STAU2: variants seen among roughly 807,000 people sequenced by gnomAD.
The protein encoded by STAU2 is double-stranded RNA-binding protein Staufen homolog 2.
STAU2 carries 20 observed loss-of-function variants against 65.9 expected under a neutral mutation model. The observed-to-expected ratio is 0.30, with a 90% CI of 0.21 to 0.44. The LOEUF (loss-of-function observed/expected upper bound fraction) is 0.44. Ranked by LOEUF, STAU2 falls within the 20% of genes least tolerant of loss-of-function variation. STAU2 has a pLI of 1.00. For synonymous variants in STAU2, 232 were observed against 233.9 expected (o/e 0.99, Z 0.07); for missense variants, 558 against 683.9 (o/e 0.82, Z 2.05).
chr8:73,653,576 G>A (rs1252853354), intron 6 of STAU2: 1 of 159,986 alleles, frequency 6.3e-6, no homozygotes, highest in South Asian at 1.8e-4. Context: ...AGGGTAATGT[G>A]TTTTGGGTTG....
At chr8:73,605,031 T>A (rs574486718) in intron 9 of STAU2, among the ~76,000 whole-genome samples, 10 of 152,178 alleles carry the variant, frequency 6.6e-5, no homozygotes, top group African/African-American at 2.4e-4. Flanking sequence ...AAAGAACAGA[T>A]AAATTACAGC....
Position 73,465,360 on chromosome 8 carries a change from TATAGCCC to T in STAU2, c.1531-42665_1531-42659del, listed in dbSNP as rs779449299. Among the ~76,000 whole-genome samples, 8 of 152,350 alleles carry T rather than the reference TATAGCCC, an allele frequency of 5.3e-5. No individual in the cohort carries two copies. The South Asian group carries it at 1.7e-3, about 32-fold the overall frequency. On this transcript the variant is annotated intron_variant, in intron 13 of 14. Transcript: ENST00000524300. ...ACAGTTCCTTTACAATATCCTAGAA[TATAGCCC>T]ATTGTCCTTAATTTCTATATTTAAT...
At chr8:73,719,768 G>A (rs1034821806) in intron 3 of STAU2, among the ~76,000 whole-genome samples, 4 of 152,116 alleles carry the variant, frequency 2.6e-5, no homozygotes, top group Admixed American at 2.6e-4. Context: ...ATACTGGTCT[G>A]TAATTTCCTT....
At chr8:73,459,582 T>C (rs1011785928) in intron 13 of STAU2, among the ~76,000 whole-genome samples, 10 of 151,918 alleles carry the variant, frequency 6.6e-5, no homozygotes, top group Non-Finnish European at 1.3e-4. Context: ...TCGCCTCTCG[T>C]TAAGGTGATC....
intron 6 of STAU2, among the ~76,000 whole-genome samples, chr8:73,661,688 T>C (rs1265911190): frequency 6.6e-6 from 1 of 152,228 alleles, no homozygotes; most frequent in African/African-American, 2.4e-5. Context: ...AATAGAATCT[T>C]ACAGTACCTA....
At chr8:73,475,778 G>A (rs933274098) in intron 13 of STAU2, among the ~76,000 whole-genome samples, 5 of 152,122 alleles carry the variant, frequency 3.3e-5, no homozygotes, top group African/African-American at 7.2e-5. Flanking sequence ...AATGATATGC[G>A]TATGGCCATG....
chr8:73,732,990 T>A (rs1442982746), intron 3 of STAU2: 1 of 152,108 alleles, frequency 6.6e-6, no homozygotes, highest in Non-Finnish European at 1.5e-5. Flanking sequence ...CTAGACTTTG[T>A]TTCTTGGTAG....
intron 13 of STAU2, among the ~76,000 whole-genome samples, chr8:73,471,240 A>C (rs1302390463): frequency 6.8e-6 from 1 of 147,348 alleles, no homozygotes; most frequent in African/African-American, 2.5e-5. Flanking sequence ...TGGCACAATC[A>C]GGGCTCACTG....
At chr8:73,482,352 ACT>A (rs1319618727) in intron 13 of STAU2, among the ~76,000 whole-genome samples, 4 of 151,614 alleles carry the variant, frequency 2.6e-5, no homozygotes, top group Admixed American at 2.6e-4. Context: ...TTAAAAAAAA[ACT>A]GTCTTTTTTT....
chr8:73,721,287 CAAAAA>C (rs35721754), intron 3 of STAU2, among the ~76,000 whole-genome samples: 3 of 12,464 alleles, frequency 2.4e-4, no homozygotes, highest in East Asian at 2.7e-3. Context: ...ACCCCACCTC[CAAAAA>C]AAAAAAAAAA....
intron 5 of STAU2, among the ~76,000 whole-genome samples, chr8:73,681,892 A>G (rs941914955): frequency 6.6e-6 from 1 of 152,192 alleles, no homozygotes; most frequent in Non-Finnish European, 1.5e-5. Context: ...GGGACATTAC[A>G]TAATGATAAA....
intron 5 of STAU2, among the ~76,000 whole-genome samples, chr8:73,675,239 A>G (rs1055903218): frequency 6.6e-6 from 1 of 152,108 alleles, no homozygotes; most frequent in Non-Finnish European, 1.5e-5. Flanking sequence ...AAGAATTTGA[A>G]CTGAATGATA....
intron 13 of STAU2, among the ~76,000 whole-genome samples, chr8:73,535,497 A>G (rs1806124373): frequency 6.6e-6 from 1 of 152,190 alleles, no homozygotes; most frequent in African/African-American, 2.4e-5. Context: ...TCCATTAACT[A>G]TGCCAGTGAA....
At chr8:73,567,018 G>A (rs1487290391) in intron 12 of STAU2, among the ~76,000 whole-genome samples, 1 of 152,088 alleles carries the variant, frequency 6.6e-6, no homozygotes. Context: ...TTATTATATT[G>A]AATCCAACAA....
At chr8:73,671,825 C>T (rs1320741611) in intron 6 of STAU2, among the ~76,000 whole-genome samples, 1 of 151,976 alleles carries the variant, frequency 6.6e-6, no homozygotes, top group Non-Finnish European at 1.5e-5. Flanking sequence ...AAGTTCAAGA[C>T]CCCCAGCCTG....
intron 13 of STAU2, among the ~76,000 whole-genome samples, chr8:73,466,836 T>C (rs910458658): frequency 6.6e-6 from 1 of 152,158 alleles, no homozygotes; most frequent in African/African-American, 2.4e-5. Context: ...CTTTGCTAGA[T>C]GCCAGGGATA....
intron 4 of STAU2, among the ~76,000 whole-genome samples, chr8:73,697,599 A>G (rs1000735985): frequency 6.6e-6 from 1 of 152,216 alleles, no homozygotes; most frequent in Non-Finnish European, 1.5e-5. Context: ...TAATGAACCA[A>G]TCAAAAATAA....
chr8:73,690,560 C>G (rs1355739455), intron 4 of STAU2, among the ~76,000 whole-genome samples: 1 of 152,010 alleles, frequency 6.6e-6, no homozygotes, highest in Non-Finnish European at 1.5e-5. Flanking sequence ...TTTAGTCTTA[C>G]AAGATAGATA....
At chr8:73,658,937 A>C (rs201901471) in intron 6 of STAU2, among the ~76,000 whole-genome samples, 3,683 of 53,514 alleles carry the variant, frequency 0.069, 88 homozygotes, top group East Asian at 0.23. Flanking sequence ...ACAACAACAA[A>C]AACAACAAAA....
Sources: gnomAD v4.1 joint callset for allele counts (sites outside exome capture counted in the v4.1 genomes callset) on GRCh38, gnomAD v4.1.1 for gene constraint, MANE v1.5 for transcripts, NCBI Gene and HGNC (gene_info 2026-07-23, HGNC 2026-07-21) for gene names.